The following TMEM132D variants were observed in gnomAD, a reference collection of about 807,000 sequenced individuals.
TMEM132D encodes mature OL transmembrane protein.
Under a neutral mutation model 62.3 loss-of-function variants are expected in TMEM132D, and 21 were observed. That is an observed-to-expected ratio of 0.34 (90% CI 0.24 to 0.49). The LOEUF is 0.49. Among genes scored for constraint, TMEM132D ranks in the 20% least tolerant of loss-of-function variants. The probability of loss-of-function intolerance (pLI) is 0.99; values close to 1 mark genes in which losing one functional copy is unlikely to be tolerated. For synonymous variants in TMEM132D, 621 were observed against 575.6 expected, an observed-to-expected ratio of 1.08 and a Z score of -1.13; for missense variants, 1,346 against 1,402.8, an observed-to-expected ratio of 0.96 and a Z score of 0.65.
At chr12:129,211,338 A>C (rs1430020510) in intron 4 of TMEM132D, among the ~76,000 whole-genome samples, 1 of 152,134 alleles carries the variant, frequency 6.6e-6, no homozygotes, top group Non-Finnish European at 1.5e-5. Flanking sequence ...GATCTAAAAC[A>C]ATTGTCATTT....
intron 1 of TMEM132D, among the ~76,000 whole-genome samples, chr12:129,717,880 G>T (rs932516345): frequency 6.6e-6 from 1 of 152,132 alleles, no homozygotes. Flanking sequence ...TCTCAAGTGC[G>T]CTCGTGCTGG....
At position 129,277,186 on chromosome 12, in the gene TMEM132D, A is replaced by G. The variant is rs1881026806; in HGVS notation, c.1299+60448T>C. Among the ~76,000 whole-genome samples the G allele has an allele frequency of 6.6e-6, 1 of 152,184 alleles. No homozygotes were observed. The highest frequency in any genetic ancestry group is 2.4e-5 in the African/African-American group (1 of 41,442). ...GTGGAGAACAAAAACTATGGAAACA[A>G]GCCTGGCTTTTTCCTTTTCTTTTAT... is the stretch of plus-strand genomic sequence containing the variant. On this transcript the variant is annotated intron_variant, in intron 4 of 8. Coordinates refer to ENST00000422113, the MANE Select transcript of TMEM132D (RefSeq NM_133448.3). The surrounding 1 kb of genome is among the most constrained non-coding windows in gnomAD (Gnocchi z 4.2).
intron 3 of TMEM132D, among the ~76,000 whole-genome samples, chr12:129,345,307 T>G (rs1231737357): frequency 6.6e-6 from 1 of 152,226 alleles, no homozygotes; most frequent in Non-Finnish European, 1.5e-5. Context: ...TTAACCTTGT[T>G]AGTGGAACTC....
intron 3 of TMEM132D, among the ~76,000 whole-genome samples, chr12:129,524,578 C>A (rs193276651): frequency 8.4e-4 from 128 of 152,258 alleles, no homozygotes; most frequent in African/African-American, 3.0e-3. Flanking sequence ...ACCAAAAAAA[C>A]GGCTGCAATT....
intron 3 of TMEM132D, among the ~76,000 whole-genome samples, chr12:129,414,785 C>T (rs902860872): frequency 9.2e-5 from 14 of 152,312 alleles, no homozygotes; most frequent in African/African-American, 3.4e-4. Context: ...TTGCTGGACA[C>T]TTTGACGAGC....
chr12:129,591,253 G>A (rs1878181356), intron 2 of TMEM132D, among the ~76,000 whole-genome samples: 1 of 152,132 alleles, frequency 6.6e-6, no homozygotes, highest in Non-Finnish European at 1.5e-5. Flanking sequence ...AAAGATTCGT[G>A]GGTAACCCTT....
chr12:129,404,629 G>T (rs1009486813), intron 3 of TMEM132D, among the ~76,000 whole-genome samples: 1 of 152,322 alleles, frequency 6.6e-6, no homozygotes, highest in Non-Finnish European at 1.5e-5. Flanking sequence ...GCAGGAGAAG[G>T]AGCCATCACA....
intron 1 of TMEM132D, among the ~76,000 whole-genome samples, chr12:129,749,508 G>A (rs1869929477): frequency 6.8e-6 from 1 of 146,424 alleles, no homozygotes; most frequent in African/African-American, 2.5e-5. Context: ...CCAGGCTCAA[G>A]TGCAGTGGCA....
At chr12:129,763,195 G>A (rs560703251) in intron 1 of TMEM132D, among the ~76,000 whole-genome samples, 3 of 152,138 alleles carry the variant, frequency 2.0e-5, no homozygotes, top group Non-Finnish European at 2.9e-5. Context: ...CTCCCATCTC[G>A]GTCTCCCGAA....
At chr12:129,721,747 G>T (rs903964995) in intron 1 of TMEM132D, among the ~76,000 whole-genome samples, 4 of 152,144 alleles carry the variant, frequency 2.6e-5, no homozygotes, top group Non-Finnish European at 5.9e-5. Context: ...TCTGAACAGA[G>T]TCCTGGGGGT....
chr12:129,384,593 G>T (rs1321983965), intron 3 of TMEM132D, among the ~76,000 whole-genome samples: 1 of 151,832 alleles, frequency 6.6e-6, no homozygotes, highest in African/African-American at 2.4e-5. Flanking sequence ...ATTTTAGAAG[G>T]GAAAGGAGAC....
chr12:129,408,765 CAT>C (rs1871874547), intron 3 of TMEM132D, among the ~76,000 whole-genome samples: 1 of 152,130 alleles, frequency 6.6e-6, no homozygotes, highest in Non-Finnish European at 1.5e-5. Flanking sequence ...CATATACACT[CAT>C]GTGCACAAAT....
chr12:129,405,762 G>A (rs1871766260), intron 3 of TMEM132D, among the ~76,000 whole-genome samples: 1 of 152,140 alleles, frequency 6.6e-6, no homozygotes, highest in South Asian at 2.1e-4. Context: ...ATTTCATAAG[G>A]AAGACTAGTC....
intron 5 of TMEM132D, among the ~76,000 whole-genome samples, chr12:129,171,462 A>G (rs1877726445): frequency 6.6e-6 from 1 of 152,238 alleles, no homozygotes; most frequent in African/African-American, 2.4e-5. Flanking sequence ...TGAATCACAC[A>G]TGTGCTTAAT....
intron 3 of TMEM132D, among the ~76,000 whole-genome samples, chr12:129,513,553 C>T (rs994288120): frequency 2.0e-5 from 3 of 152,068 alleles, no homozygotes; most frequent in African/African-American, 7.2e-5. Flanking sequence ...GGCGCGATCT[C>T]GGCTCACTGC....
At chr12:129,649,352 A>G (rs1372285949) in intron 2 of TMEM132D, among the ~76,000 whole-genome samples, 1 of 152,150 alleles carries the variant, frequency 6.6e-6, no homozygotes, top group Non-Finnish European at 1.5e-5. Flanking sequence ...GCTTTAATAT[A>G]AAATGCCTCC....
chr12:129,374,586 T>C (rs1184572224), intron 3 of TMEM132D, among the ~76,000 whole-genome samples: 1 of 152,038 alleles, frequency 6.6e-6, no homozygotes, highest in Non-Finnish European at 1.5e-5. Flanking sequence ...AACCACGGCA[T>C]AGATGTTCAG....
intron 5 of TMEM132D, among the ~76,000 whole-genome samples, chr12:129,202,487 G>A (rs137965854): frequency 6.7e-4 from 102 of 152,154 alleles, no homozygotes; most frequent in African/African-American, 2.3e-3. Context: ...TTCATTTTTC[G>A]TTGCACCCTC....
chr12:129,603,849 A>G (rs563283679), intron 2 of TMEM132D, among the ~76,000 whole-genome samples: 5 of 152,308 alleles, frequency 3.3e-5, no homozygotes, highest in Non-Finnish European at 7.4e-5. Flanking sequence ...AAATCATTCT[A>G]CTATAAAGAC....
Sources: gnomAD v4.1 joint callset for allele counts (sites outside exome capture counted in the v4.1 genomes callset) on GRCh38, gnomAD v4.1.1 for gene constraint, Gnocchi (gnomAD v3.1) non-coding constraint, MANE v1.5 for transcripts, NCBI Gene and HGNC (gene_info 2026-07-23, HGNC 2026-07-21) for gene names.